The following REPS2 variants were observed in gnomAD, a reference collection of about 807,000 sequenced individuals.
REPS2 encodes the protein ralBP1-associated Eps domain-containing protein 2.
Under a neutral mutation model 53.6 loss-of-function variants are expected in REPS2, and 23 were observed. That is an observed-to-expected ratio of 0.43 (90% CI 0.31 to 0.61). The LOEUF (loss-of-function observed/expected upper bound fraction) is 0.61. REPS2 is among the 20% of genes least tolerant of loss of function. The pLI is 0.11. For synonymous variants in REPS2, 238 were observed against 218.6 expected, an observed-to-expected ratio of 1.09 and a Z score of -0.78; for missense variants, 446 against 534.9, an observed-to-expected ratio of 0.83 and a Z score of 1.64.
chrX:17,054,739 G>A, intron 7 of REPS2, 69 bp from the exon 8 acceptor site: 1 of 1,108,336 alleles, frequency 9.0e-7, no homozygotes, highest in Non-Finnish European at 1.2e-6. Flanking sequence ...AGTTTTATTG[G>A]CACGTTTGGG....
At chrX:16,985,679 T>C (rs769322007) in intron 1 of REPS2, among the ~76,000 whole-genome samples, 1 of 112,507 alleles carries the variant, frequency 8.9e-6, no homozygotes, top group Non-Finnish European at 1.9e-5. Flanking sequence ...TCAGAATAGG[T>C]GGCCTCCTGA....
downstream of REPS2, among the ~76,000 whole-genome samples, chrX:17,156,106 G>A (rs779817217): frequency 8.9e-6 from 1 of 111,916 alleles, no homozygotes; most frequent in South Asian, 3.7e-4. Context: ...GAACCCTGCC[G>A]TATCGTTTTT....
intron 1 of REPS2, 75 bp from the exon 2 acceptor site, chrX:17,006,146 T>C (rs2061360566): frequency 1.8e-6 from 2 of 1,124,817 alleles, no homozygotes; most frequent in African/African-American, 1.8e-5. Flanking sequence ...ATCCTTGATA[T>C]TTCATCATGT....
the REPS2 span, among the ~76,000 whole-genome samples, chrX:17,168,752 C>A: frequency 1.8e-5 from 2 of 111,999 alleles, no homozygotes; most frequent in Admixed American, 1.9e-4. Context: ...TGTCCACAGG[C>A]AAAGACAAGG....
At chrX:16,983,670 T>C (rs1241982591) in intron 1 of REPS2, among the ~76,000 whole-genome samples, 1 of 111,769 alleles carries the variant, frequency 8.9e-6, no homozygotes, top group African/African-American at 3.3e-5. Context: ...GCCCAGTTAA[T>C]GTTTTGTATT....
chrX:17,073,062 A>G (rs2062330714), intron 11 of REPS2, among the ~76,000 whole-genome samples: 1 of 111,602 alleles, frequency 9.0e-6, no homozygotes, highest in Non-Finnish European at 1.9e-5. Context: ...GTTAGCATTT[A>G]TGAGGATTTT....
At chrX:17,103,444 T>C (rs2062833478) in intron 13 of REPS2, among the ~76,000 whole-genome samples, 1 of 112,009 alleles carries the variant, frequency 8.9e-6, no homozygotes, top group Admixed American at 9.5e-5. Flanking sequence ...TGACCACCTT[T>C]CCCTTGCTGC....
intron 2 of REPS2, among the ~76,000 whole-genome samples, chrX:17,014,569 G>A (rs1368830229): frequency 9.1e-6 from 1 of 109,476 alleles, no homozygotes; most frequent in East Asian, 2.9e-4. Context: ...TTTGTTTTTT[G>A]TTTTCCCCCA....
At chrX:17,006,378 A>G in intron 2 of REPS2, 34 bp downstream of exon 2, 1 of 1,153,811 alleles carries the variant, frequency 8.7e-7, no homozygotes, top group South Asian at 2.1e-5. Flanking sequence ...TTTATTGTCC[A>G]TGGCGAGTCG....
At chrX:17,131,165 G>A (rs766057988) in intron 14 of REPS2, among the ~76,000 whole-genome samples, 59 of 111,354 alleles carry the variant, frequency 5.3e-4, no homozygotes, top group African/African-American at 1.8e-3. Flanking sequence ...GGGAAAAATG[G>A]GTGGAGCAAC....
intron 2 of REPS2, among the ~76,000 whole-genome samples, chrX:17,010,710 G>C (rs766243127): frequency 4.5e-5 from 5 of 111,322 alleles, no homozygotes; most frequent in African/African-American, 1.6e-4. Context: ...GCATGTCTAC[G>C]CATGAGGAGG....
At chrX:17,185,960 AT>A in the REPS2 span, among the ~76,000 whole-genome samples, 1 of 111,627 alleles carries the variant, frequency 9.0e-6, no homozygotes, top group Non-Finnish European at 1.9e-5. Context: ...GAAAAAAAAA[AT>A]CTTCTTAAAT....
intron 1 of REPS2, among the ~76,000 whole-genome samples, chrX:17,002,762 C>T (rs1047436181): frequency 8.9e-6 from 1 of 112,039 alleles, no homozygotes; most frequent in Non-Finnish European, 1.9e-5. Context: ...TGGAGCATCA[C>T]TGAGGTATTC....
At chrX:17,103,332 T>C (rs1270416683) in intron 13 of REPS2, among the ~76,000 whole-genome samples, 2 of 111,792 alleles carry the variant, frequency 1.8e-5, no homozygotes, top group Non-Finnish European at 3.8e-5. Context: ...AGCAGTGTAG[T>C]GGCTGAGAGC....
chrX:17,179,378 C>T, the REPS2 span, among the ~76,000 whole-genome samples: 2 of 111,641 alleles, frequency 1.8e-5, no homozygotes, highest in African/African-American at 3.3e-5. Flanking sequence ...AACTCAGTCA[C>T]CATGCTATGA....
the REPS2 span, among the ~76,000 whole-genome samples, chrX:17,175,769 T>A: frequency 8.9e-6 from 1 of 112,435 alleles, no homozygotes; most frequent in Non-Finnish European, 1.9e-5. Flanking sequence ...GAATGAAGGT[T>A]TTGCTCCATG....
chrX:16,965,674 C>T (rs745640681), intron 1 of REPS2, among the ~76,000 whole-genome samples: 7 of 110,917 alleles, frequency 6.3e-5, no homozygotes, highest in South Asian at 3.7e-4. Context: ...TGATGGCGGC[C>T]GGGAAGAGGC....
rs1344469471 is a variant in REPS2, at chrX:16,968,846, G to A, written c.273+21712G>A. Among the ~76,000 whole-genome samples the A allele has an allele frequency of 7.4e-5, 8 of 107,505 alleles. No individual in the cohort carries two copies. The East Asian group carries it at 9.2e-4, about 12-fold the overall frequency. The allele number at this position is 107,505 out of a possible 115,157, so 93.4% of individuals were successfully genotyped here. Reference sequence around the variant, plus strand: ...GGGCTGACCCCCCCACCTCCCTCCCGGACGGGGTGGCTGCTGGGCGGAGAC... The same window carrying A: ...GGGCTGACCCCCCCACCTCCCTCCCAGACGGGGTGGCTGCTGGGCGGAGAC... On this transcript the variant is annotated intron_variant, in intron 1 of 17. Transcript: ENST00000357277.
intron 9 of REPS2, among the ~76,000 whole-genome samples, chrX:17,068,085 G>A (rs1233174525): frequency 3.6e-5 from 4 of 111,327 alleles, no homozygotes; most frequent in Admixed American, 9.5e-5. Flanking sequence ...AGGCTGAGGC[G>A]GGTGGATCAC....
Sources: allele counts gnomAD v4.1 joint callset (sites outside exome capture counted in the v4.1 genomes callset), GRCh38; gene constraint gnomAD v4.1.1; transcripts MANE v1.5; gene names NCBI Gene and HGNC (gene_info 2026-07-23, HGNC 2026-07-21).